The following TRPM3 variants were observed in gnomAD, a reference collection of about 807,000 sequenced individuals.
TRPM3 encodes the protein long transient receptor potential channel 3.
In TRPM3, 77 loss-of-function variants were observed where a neutral mutation model predicts 181.2. That is an observed-to-expected ratio of 0.42 (90% CI 0.35 to 0.51). The LOEUF is 0.51. Among genes scored for constraint, TRPM3 ranks in the 20% least tolerant of loss-of-function variants. TRPM3 has a pLI of 0.01. For missense variants in TRPM3, 1,759 were observed against 2,196.7 expected (o/e 0.80, Z 3.98); for synonymous variants, 745 against 796.4 (o/e 0.94, Z 1.09).
At chr9:71,160,037 T>G (rs2076202891) in intron 1 of TRPM3, among the ~76,000 whole-genome samples, 1 of 152,076 alleles carries the variant, frequency 6.6e-6, no homozygotes, top group Non-Finnish European at 1.5e-5. Flanking sequence ...CCACTACACA[T>G]CAGTTTACTT....
At chr9:70,960,157 T>A (rs1020506437) in intron 1 of TRPM3, among the ~76,000 whole-genome samples, 1 of 151,586 alleles carries the variant, frequency 6.6e-6, no homozygotes, top group African/African-American at 2.4e-5. Context: ...TGTGGAGACA[T>A]AGCTACAGTT....
chr9:71,165,303 T>C (rs990800728), intron 1 of TRPM3, among the ~76,000 whole-genome samples: 2 of 152,176 alleles, frequency 1.3e-5, no homozygotes, highest in South Asian at 4.1e-4. Context: ...GGTCTATAGA[T>C]AGTAAGCATC....
chr9:70,766,512 T>C (rs1226118279), intron 7 of TRPM3, among the ~76,000 whole-genome samples: 1 of 148,990 alleles, frequency 6.7e-6, no homozygotes, highest in Non-Finnish European at 1.5e-5. Flanking sequence ...ATAAAAAAAC[T>C]TGTTAATAAC....
At chr9:71,367,577 A>G (rs1475807957) in intron 1 of TRPM3, among the ~76,000 whole-genome samples, 1 of 152,198 alleles carries the variant, frequency 6.6e-6, no homozygotes, top group Non-Finnish European at 1.5e-5. Context: ...AGCTGTGGTT[A>G]TGATTTCACC....
intron 12 of TRPM3, among the ~76,000 whole-genome samples, chr9:70,634,152 C>G (rs576983903): frequency 2.6e-5 from 4 of 152,322 alleles, no homozygotes; most frequent in Admixed American, 2.0e-4. Flanking sequence ...CTCTGTTGTT[C>G]AGGCTGGAGT....
At chr9:71,094,712 T>C (rs964310742) in intron 1 of TRPM3, among the ~76,000 whole-genome samples, 1 of 152,100 alleles carries the variant, frequency 6.6e-6, no homozygotes, top group African/African-American at 2.4e-5. Context: ...ATTCGGTGCA[T>C]AAAAGTATCA....
At chr9:70,810,321 C>T (rs981436158) in intron 6 of TRPM3, among the ~76,000 whole-genome samples, 2 of 149,346 alleles carry the variant, frequency 1.3e-5, no homozygotes, top group African/African-American at 5.0e-5. Context: ...TGCTTGCCTC[C>T]AACCCCACCC....
At chr9:71,327,494 T>C (rs1218464559) in intron 1 of TRPM3, among the ~76,000 whole-genome samples, 4 of 152,138 alleles carry the variant, frequency 2.6e-5, no homozygotes, top group Admixed American at 6.5e-5. Flanking sequence ...TTGAGAGCCT[T>C]TGAGACACAA....
At chr9:70,930,239 T>C (rs1005811401) in intron 1 of TRPM3, among the ~76,000 whole-genome samples, 17 of 152,228 alleles carry the variant, frequency 1.1e-4, no homozygotes, top group African/African-American at 4.1e-4. Flanking sequence ...GTGCCTAGCA[T>C]ATTGCCTTAC....
At chr9:70,658,314 T>C (rs1205669419) in intron 9 of TRPM3, among the ~76,000 whole-genome samples, 1 of 152,184 alleles carries the variant, frequency 6.6e-6, no homozygotes, top group Non-Finnish European at 1.5e-5. Context: ...CTTTGATATT[T>C]GACAAACTTT....
intron 5 of TRPM3, among the ~76,000 whole-genome samples, chr9:70,841,992 G>A (rs2094699285): frequency 6.6e-6 from 1 of 151,800 alleles, no homozygotes; most frequent in Admixed American, 6.6e-5. Flanking sequence ...TTCAGGTGAT[G>A]GGTACACTAA....
intron 1 of TRPM3, among the ~76,000 whole-genome samples, chr9:71,412,224 C>T (rs2093563880): frequency 6.6e-6 from 1 of 152,090 alleles, no homozygotes; most frequent in South Asian, 2.1e-4. Flanking sequence ...AAAGCAATGG[C>T]AACAAAAGCC....
intron 1 of TRPM3, among the ~76,000 whole-genome samples, chr9:71,148,387 A>T (rs1214698000): frequency 2.6e-5 from 4 of 152,164 alleles, no homozygotes; most frequent in Non-Finnish European, 5.9e-5. Flanking sequence ...GGGATCTATC[A>T]TTACTATGTG....
intron 1 of TRPM3, among the ~76,000 whole-genome samples, chr9:71,417,233 G>A (rs551978243): frequency 5.9e-4 from 90 of 152,004 alleles, no homozygotes; most frequent in Middle Eastern, 3.4e-3. Flanking sequence ...ATTCTGAAAT[G>A]TTTGTACCTG....
intron 1 of TRPM3, among the ~76,000 whole-genome samples, chr9:71,201,127 T>A (rs113411401): frequency 1.1e-4 from 17 of 151,268 alleles, no homozygotes; most frequent in Non-Finnish European, 2.5e-4. Flanking sequence ...TCTCCTTCAC[T>A]TATGAAGCTT....
intron 1 of TRPM3, among the ~76,000 whole-genome samples, chr9:71,142,192 C>T (rs2075144663): frequency 1.3e-5 from 2 of 152,174 alleles, no homozygotes; most frequent in Non-Finnish European, 2.9e-5. Flanking sequence ...CTATCAAGAT[C>T]TCTGGTTTCC....
intron 8 of TRPM3, among the ~76,000 whole-genome samples, chr9:70,699,954 C>T (rs1033697883): frequency 6.6e-6 from 1 of 152,086 alleles, no homozygotes; most frequent in African/African-American, 2.4e-5. Flanking sequence ...CACAGTGCTG[C>T]GAGCATGGGG....
At chr9:71,204,561 C>T (rs112913300) in intron 1 of TRPM3, among the ~76,000 whole-genome samples, 12,568 of 152,116 alleles carry the variant, frequency 0.083, 631 homozygotes, top group Non-Finnish European at 0.11. Context: ...AGTCAGGAAA[C>T]AACAGGTGCT....
intron 1 of TRPM3, among the ~76,000 whole-genome samples, chr9:71,399,131 A>T (rs1217026763): frequency 7.1e-6 from 1 of 140,706 alleles, no homozygotes; most frequent in Non-Finnish European, 1.6e-5. Flanking sequence ...CAGCATTTAT[A>T]TAAAAAATGA....
Sources: gnomAD v4.1 joint callset for allele counts (sites outside exome capture counted in the v4.1 genomes callset) on GRCh38, gnomAD v4.1.1 for gene constraint, MANE v1.5 for transcripts, NCBI Gene and HGNC (gene_info 2026-07-23, HGNC 2026-07-21) for gene names.